Variants in AKAP19 observed in about 807,000 individuals in gnomAD.
The protein encoded by AKAP19 is A-kinase anchoring protein 19.
At chr2:190,038,997 TCTC>T in the AKAP19 span, among the ~76,000 whole-genome samples, 2 of 123,886 alleles carry the variant, frequency 1.6e-5, no homozygotes, top group African/African-American at 4.3e-5. Context: ...CTTTCTTTCT[TCTC>T]TTCTTCTTCC....
At chr2:190,002,612 C>A in the AKAP19 span, among the ~76,000 whole-genome samples, 28 of 152,096 alleles carry the variant, frequency 1.8e-4, no homozygotes, top group Non-Finnish European at 5.9e-5. Flanking sequence ...ATAGCTTCAG[C>A]CTCTTCATTC....
At chr2:190,003,911 AAATAAATTCT>A in the AKAP19 span, among the ~76,000 whole-genome samples, 1 of 152,268 alleles carries the variant, frequency 6.6e-6, no homozygotes, top group African/African-American at 2.4e-5. Context: ...TTTTTAATTC[AAATAAATTCT>A]AATCAAATTT....
chr2:189,923,136 G>A, the AKAP19 span, among the ~76,000 whole-genome samples: 3 of 152,302 alleles, frequency 2.0e-5, no homozygotes, highest in East Asian at 5.8e-4. Flanking sequence ...GGGCGACAGA[G>A]TGAGACTCCA....
chr2:189,998,767 C>CT, the AKAP19 span, among the ~76,000 whole-genome samples: 8 of 73,194 alleles, frequency 1.1e-4, no homozygotes, highest in East Asian at 9.5e-4. Flanking sequence ...TTCTTTCTTT[C>CT]TTTCTTTTTT....
chr2:190,002,601 G>A, the AKAP19 span, among the ~76,000 whole-genome samples: 1 of 152,164 alleles, frequency 6.6e-6, no homozygotes. Context: ...ATGGGGTCTA[G>A]ATAGCTTCAG....
At chr2:190,096,943 C>T in the AKAP19 span, among the ~76,000 whole-genome samples, 13 of 152,170 alleles carry the variant, frequency 8.5e-5, no homozygotes, top group Admixed American at 3.9e-4. Context: ...GGTTCAGTCA[C>T]TTCCTAAAGG....
the AKAP19 span, among the ~76,000 whole-genome samples, chr2:190,000,896 T>G: frequency 4.3e-4 from 65 of 152,338 alleles, 1 homozygote; most frequent in Admixed American, 3.8e-3. Flanking sequence ...TATAGATTTA[T>G]GTAGTTCTTT....
the AKAP19 span, chr2:190,180,952 C>T: frequency 1.0e-6 from 1 of 985,320 alleles, no homozygotes; most frequent in Non-Finnish European, 1.2e-6. The surrounding 1 kb of genome is among the most constrained non-coding windows in gnomAD (Gnocchi z 6.8). Flanking sequence ...CGCCCGGCCT[C>T]AGCTGCCGCC....
chr2:189,968,625 A>G, the AKAP19 span, among the ~76,000 whole-genome samples: 1 of 152,182 alleles, frequency 6.6e-6, no homozygotes, highest in Non-Finnish European at 1.5e-5. Flanking sequence ...CACTACATAC[A>G]ATAAGCACAT....
chr2:190,072,767 G>A, the AKAP19 span, among the ~76,000 whole-genome samples: 1 of 152,092 alleles, frequency 6.6e-6, no homozygotes, highest in Non-Finnish European at 1.5e-5. Context: ...TTGGTACAAA[G>A]AGGAAACAAG....
the AKAP19 span, among the ~76,000 whole-genome samples, chr2:190,141,349 C>T: frequency 6.6e-6 from 1 of 152,160 alleles, no homozygotes; most frequent in South Asian, 2.1e-4. Flanking sequence ...TCTACTGGTA[C>T]CAGTTTACTA....
the AKAP19 span, among the ~76,000 whole-genome samples, chr2:190,021,838 A>G: frequency 6.6e-6 from 1 of 152,208 alleles, no homozygotes; most frequent in African/African-American, 2.4e-5. Flanking sequence ...TTTCCTGTCT[A>G]TAACAGAATA....
chr2:190,014,657 C>G, the AKAP19 span, among the ~76,000 whole-genome samples: 151,082 of 151,754 alleles, frequency 1, 75,212 homozygotes, highest in Middle Eastern at 1. Flanking sequence ...TTTTTTTTGA[C>G]ACAGAGTCTC....
chr2:190,167,519 C>T, the AKAP19 span, among the ~76,000 whole-genome samples: 1 of 152,160 alleles, frequency 6.6e-6, no homozygotes, highest in African/African-American at 2.4e-5. Context: ...AAGTCCACAG[C>T]CAAAATGAGA....
At chr2:189,975,798 G>T in the AKAP19 span, among the ~76,000 whole-genome samples, 1 of 151,950 alleles carries the variant, frequency 6.6e-6, no homozygotes, top group Non-Finnish European at 1.5e-5. Context: ...TTGTGCATTC[G>T]TCAAGTAGTT....
At chr2:190,061,886 T>C in the AKAP19 span, among the ~76,000 whole-genome samples, 27 of 152,082 alleles carry the variant, frequency 1.8e-4, no homozygotes, top group East Asian at 5.2e-3. Context: ...TAAAATCTAA[T>C]GTAAGTTTTA....
At chr2:190,001,530 G>A in the AKAP19 span, among the ~76,000 whole-genome samples, 2 of 152,154 alleles carry the variant, frequency 1.3e-5, no homozygotes, top group South Asian at 4.1e-4. Context: ...CCCTTGTGGA[G>A]TATTAGCACT....
the AKAP19 span, among the ~76,000 whole-genome samples, chr2:190,136,908 G>GA: frequency 6.6e-6 from 1 of 152,216 alleles, no homozygotes; most frequent in Non-Finnish European, 1.5e-5. Context: ...TTTTAAGTCT[G>GA]AAGGACCAGG....
chr2:189,993,913 G>T, the AKAP19 span, among the ~76,000 whole-genome samples: 35 of 151,460 alleles, frequency 2.3e-4, no homozygotes, highest in Middle Eastern at 3.4e-3. Flanking sequence ...GATTAATCTT[G>T]TTAATGGTCT....
Sources: allele counts gnomAD v4.1 joint callset (sites outside exome capture counted in the v4.1 genomes callset), GRCh38; gene constraint gnomAD v4.1.1; non-coding constraint Gnocchi (gnomAD v3.1); transcripts MANE v1.5; gene names NCBI Gene and HGNC (gene_info 2026-07-23, HGNC 2026-07-21).